The following COG5 variants were observed in gnomAD, a reference collection of about 807,000 sequenced individuals.
The protein encoded by COG5 is component of oligomeric golgi complex 5.
A neutral mutation model predicts 110.4 loss-of-function variants in COG5; 86 were observed. The ratio of observed to expected loss-of-function variants is 0.78; its 90% confidence interval spans 0.65 to 0.93. COG5 has a LOEUF of 0.93. Ranked by LOEUF, COG5 falls within the 40% of genes least tolerant of loss-of-function variation. The pLI is 0.00. For synonymous variants in COG5, 360 were observed against 334.6 expected, an observed-to-expected ratio of 1.08 and a Z score of -0.83; for missense variants, 1,077 against 987.0, an observed-to-expected ratio of 1.09 and a Z score of -1.22.
chr7:107,462,145 C>G (rs1291517683), intron 6 of COG5, among the ~76,000 whole-genome samples: 1 of 152,116 alleles, frequency 6.6e-6, no homozygotes, highest in Non-Finnish European at 1.5e-5. Context: ...CTAACCAATC[C>G]AAATTCTAAT....
At chr7:107,209,128 C>T in intron 21 of COG5, 1 of 985,544 alleles carries the variant, frequency 1.0e-6, no homozygotes, top group Non-Finnish European at 1.2e-6. Flanking sequence ...GGGAACTCAA[C>T]TCATCACCTG....
intron 6 of COG5, among the ~76,000 whole-genome samples, chr7:107,521,329 A>T (rs1441437528): frequency 6.6e-6 from 1 of 152,230 alleles, no homozygotes; most frequent in Admixed American, 6.5e-5. Flanking sequence ...CTGCACAGCA[A>T]AAGAAACTAT....
intron 6 of COG5, among the ~76,000 whole-genome samples, chr7:107,434,498 C>T (rs79371142): frequency 7.8e-4 from 118 of 152,160 alleles, no homozygotes; most frequent in Non-Finnish European, 1.0e-3. Flanking sequence ...ACTGCTTGGA[C>T]GATGAGTGCA....
chr7:107,224,388 A>G (rs1277871936), intron 19 of COG5, among the ~76,000 whole-genome samples: 4 of 152,210 alleles, frequency 2.6e-5, no homozygotes, highest in African/African-American at 9.6e-5. Flanking sequence ...CTAGTTATTG[A>G]CAGTTTTCTT....
At chr7:107,356,336 C>T (rs1812623017) in intron 10 of COG5, among the ~76,000 whole-genome samples, 1 of 151,998 alleles carries the variant, frequency 6.6e-6, no homozygotes, top group Non-Finnish European at 1.5e-5. Context: ...GTTTATAATC[C>T]ATTTTCTAAA....
At chr7:107,324,307 A>G in intron 11 of COG5, 133 bp downstream of exon 11, 1 of 616,968 alleles carries the variant, frequency 1.6e-6, no homozygotes, top group Admixed American at 3.2e-5. Flanking sequence ...TCTAGACAAA[A>G]TAACAATTAG....
At chr7:107,354,474 C>T (rs867709553) in intron 10 of COG5, among the ~76,000 whole-genome samples, 1 of 152,024 alleles carries the variant, frequency 6.6e-6, no homozygotes, top group African/African-American at 2.4e-5. Flanking sequence ...GTCAGGAGTT[C>T]GAGACCAGTC....
rs542499260 is a variant in COG5 at position 107,339,144 on chromosome 7, A to C, written c.1027-14623T>G. Among the ~76,000 whole-genome samples the C allele has an allele frequency of 7.9e-5, 12 of 152,286 alleles. No individual in the cohort carries two copies. In the South Asian group the frequency reaches 2.5e-3, roughly 32 times the overall value. On this transcript the variant is annotated intron_variant, in intron 10 of 21. Transcript: ENST00000297135. ...TCTTCAAGAGACTGATCTCACATGC[A>C]GTAACACCTATCAGCTCAAAGTAAA...
intron 6 of COG5, among the ~76,000 whole-genome samples, chr7:107,490,943 T>C (rs777294991): frequency 6.6e-5 from 10 of 152,168 alleles, no homozygotes; most frequent in Non-Finnish European, 1.0e-4. Context: ...CTCATTATTA[T>C]CTTAAAATAC....
rs947126432 is a variant in COG5 at position 107,481,251 on chromosome 7, A to G, written c.538+45986T>C. On this transcript the variant is annotated intron_variant, in intron 6 of 21. Transcript: ENST00000297135. ...GGCAGACTACCAAAGCACATCAACC[A>G]ATTTCTCAGGATGAAGAGAGAAAGT... Among the ~76,000 whole-genome samples the G allele has an allele frequency of 1.4e-4, 22 of 152,306 alleles. No individual in the cohort carries two copies. In the East Asian group the frequency reaches 4.2e-3, roughly 29 times the overall value.
chr7:107,304,912 G>T (rs564400827), intron 11 of COG5, among the ~76,000 whole-genome samples: 12 of 152,172 alleles, frequency 7.9e-5, no homozygotes, highest in South Asian at 2.1e-4. Context: ...TGTTGTAAAA[G>T]CTGGATATGC....
rs752189081 is a variant in COG5, at chr7:107,474,451, A to G, written c.538+52786T>C. Reference sequence around the variant, plus strand: ...ATCTTTTGCAAGTGTCTCAACAGCAATCAACGTTTTTGCTATCACTTTGGA... The same window carrying G: ...ATCTTTTGCAAGTGTCTCAACAGCAGTCAACGTTTTTGCTATCACTTTGGA... On this transcript the variant is annotated intron_variant, in intron 6 of 21. Transcript: ENST00000297135. The surrounding 1 kb of genome is among the most constrained non-coding windows in gnomAD (Gnocchi z 5.7). The G allele has an allele frequency of 6.2e-7, 1 of 1,613,428 alleles. No individual in the cohort carries two copies. The highest frequency in any genetic ancestry group is 2.2e-5 in the East Asian group (1 of 44,858).
intron 5 of COG5, among the ~76,000 whole-genome samples, chr7:107,529,250 T>TA (rs1220535438): frequency 2.6e-5 from 4 of 152,184 alleles, no homozygotes; most frequent in Non-Finnish European, 2.9e-5. Context: ...TGCAGGTAGT[T>TA]AGACAGTCAA....
intron 3 of COG5, among the ~76,000 whole-genome samples, chr7:107,552,257 T>C (rs1802954641): frequency 1.3e-5 from 2 of 152,102 alleles, no homozygotes; most frequent in African/African-American, 4.8e-5. Flanking sequence ...CTCTCAAAAA[T>C]GCATAAAAAT....
chr7:107,375,906 T>C (rs1814600701), intron 7 of COG5, among the ~76,000 whole-genome samples: 1 of 152,034 alleles, frequency 6.6e-6, no homozygotes, highest in Admixed American at 6.5e-5. Flanking sequence ...TTCATAAAGA[T>C]ATCTTTCATT....
chr7:107,213,548 GA>G (rs751656087), intron 19 of COG5, among the ~76,000 whole-genome samples: 42 of 152,178 alleles, frequency 2.8e-4, no homozygotes, highest in Non-Finnish European at 7.3e-5. Flanking sequence ...GACGCTGCCA[GA>G]TATTAGAAGC....
At chr7:107,563,729 G>A (rs1804201640) in intron 1 of COG5, 74 bp downstream of exon 1, 1 of 1,551,716 alleles carries the variant, frequency 6.4e-7, no homozygotes, top group African/African-American at 1.4e-5. Flanking sequence ...AACGGGTTGG[G>A]TCCACCTCGC....
At chr7:107,303,473 G>A (rs182108788) in intron 11 of COG5, among the ~76,000 whole-genome samples, 4 of 152,154 alleles carry the variant, frequency 2.6e-5, no homozygotes, top group African/African-American at 7.2e-5. Context: ...TGTCACCCAC[G>A]CTGGAGTACA....
At chr7:107,508,261 C>G (rs982058652) in intron 6 of COG5, among the ~76,000 whole-genome samples, 3 of 152,216 alleles carry the variant, frequency 2.0e-5, no homozygotes, top group African/African-American at 4.8e-5. Context: ...GGGTCCTATG[C>G]CCACAGAGTC....
Sources: gnomAD v4.1 joint callset for allele counts (sites outside exome capture counted in the v4.1 genomes callset) on GRCh38, gnomAD v4.1.1 for gene constraint, Gnocchi (gnomAD v3.1) non-coding constraint, MANE v1.5 for transcripts, NCBI Gene and HGNC (gene_info 2026-07-23, HGNC 2026-07-21) for gene names.